Variants in TENM2 observed in about 807,000 individuals in gnomAD.
TENM2 encodes teneurin transmembrane protein 2.
Under a neutral mutation model 245.2 loss-of-function variants are expected in TENM2, and 52 were observed. The observed-to-expected ratio is 0.21, with a 90% confidence interval of 0.17 to 0.27. TENM2 has a LOEUF of 0.27. TENM2 is among the 10% of genes least tolerant of loss of function. TENM2 has a pLI of 1.00. For synonymous variants in TENM2, 1,363 were observed against 1,438.9 expected (o/e 0.95, Z 1.19); for missense variants, 3,046 against 3,666.8 (o/e 0.83, Z 4.37).
chr5:167,851,335 CTT>C (rs1225980081), intron 2 of TENM2, among the ~76,000 whole-genome samples: 1 of 152,008 alleles, frequency 6.6e-6, no homozygotes, highest in Admixed American at 6.5e-5. Context: ...TAGTCATTGA[CTT>C]TATAAAAAAT....
chr5:167,817,794 G>T (rs1323382362), intron 2 of TENM2, among the ~76,000 whole-genome samples: 2 of 152,192 alleles, frequency 1.3e-5, no homozygotes, highest in South Asian at 2.1e-4. Context: ...TCAGCCTTGT[G>T]GGGGAATGGT....
chr5:167,452,680 T>C (rs1261938744), intron 2 of TENM2, among the ~76,000 whole-genome samples: 3 of 151,582 alleles, frequency 2.0e-5, no homozygotes, highest in Admixed American at 6.6e-5. Context: ...TCAATCAGAT[T>C]CACTAATAAC....
chr5:166,999,865 G>T, the TENM2 span, among the ~76,000 whole-genome samples: 2 of 150,778 alleles, frequency 1.3e-5, no homozygotes, highest in South Asian at 4.1e-4. Context: ...AATTGCCCAG[G>T]GAACTTGAGA....
At chr5:167,218,430 A>G in the TENM2 span, among the ~76,000 whole-genome samples, 1 of 152,284 alleles carries the variant, frequency 6.6e-6, no homozygotes, top group East Asian at 1.9e-4. Context: ...GGTAGGCTCA[A>G]AAAGTTTTTG....
the TENM2 span, among the ~76,000 whole-genome samples, chr5:166,996,967 A>G: frequency 1.3e-5 from 2 of 152,182 alleles, no homozygotes; most frequent in African/African-American, 4.8e-5. Flanking sequence ...TTTGTTTTAT[A>G]TCAGTGAATT....
the TENM2 span, among the ~76,000 whole-genome samples, chr5:167,211,995 A>C: frequency 6.6e-6 from 1 of 152,170 alleles, no homozygotes. Context: ...TCTAAAGCCC[A>C]AGTCCTTGAC....
chr5:167,580,822 C>G (rs1775037843), intron 2 of TENM2, among the ~76,000 whole-genome samples: 4 of 152,178 alleles, frequency 2.6e-5, no homozygotes, highest in Admixed American at 2.6e-4. Flanking sequence ...AATCTCATCT[C>G]TACAACAAAT....
chr5:167,865,269 CT>C, intron 2 of TENM2, among the ~76,000 whole-genome samples: 1 of 152,132 alleles, frequency 6.6e-6, no homozygotes, highest in East Asian at 1.9e-4. Flanking sequence ...AATTGAATTT[CT>C]CTCTCTCTCT....
At chr5:167,046,670 T>C in the TENM2 span, among the ~76,000 whole-genome samples, 1 of 152,110 alleles carries the variant, frequency 6.6e-6, no homozygotes, top group East Asian at 1.9e-4. Context: ...CTCTTTTCTC[T>C]GTCCTTTCAT....
the TENM2 span, among the ~76,000 whole-genome samples, chr5:167,049,292 C>G: frequency 6.6e-6 from 1 of 152,162 alleles, no homozygotes; most frequent in African/African-American, 2.4e-5. Flanking sequence ...ACACACGAGT[C>G]ACGTGTATGT....
At chr5:168,090,796 C>T (rs1049649621) in intron 8 of TENM2, 27 bp downstream of exon 10, 6 of 1,579,274 alleles carry the variant, frequency 3.8e-6, no homozygotes, top group African/African-American at 1.4e-5. Context: ...TGAGATGGTA[C>T]GCCATGAAGG....
chr5:168,168,224 A>G (rs1758480005), intron 13 of TENM2, among the ~76,000 whole-genome samples: 1 of 152,162 alleles, frequency 6.6e-6, no homozygotes, highest in Non-Finnish European at 1.5e-5. Context: ...TCTGCAGATG[A>G]CATTTTGAGA....
intron 25 of TENM2, among the ~76,000 whole-genome samples, chr5:168,237,682 T>A (rs1388213321): frequency 5.3e-5 from 8 of 152,106 alleles, no homozygotes; most frequent in African/African-American, 1.9e-4. Flanking sequence ...ATACATTATT[T>A]AATGTGTTTG....
the TENM2 span, among the ~76,000 whole-genome samples, chr5:167,015,769 A>AT: frequency 3.3e-5 from 5 of 151,560 alleles, no homozygotes; most frequent in East Asian, 1.9e-4. Context: ...ATCAAGATAT[A>AT]TTTTTTTTTC....
chr5:168,124,337 C>T (rs531659508), intron 10 of TENM2, among the ~76,000 whole-genome samples: 5 of 152,342 alleles, frequency 3.3e-5, no homozygotes, highest in African/African-American at 7.2e-5. Flanking sequence ...GAAAGTGACT[C>T]ATAAGTTTCA....
At position 168,033,560 on chromosome 5, in the gene TENM2, C is replaced by G. The variant is rs572201459; in HGVS notation, c.1187-13867C>G. The stretch of plus-strand genomic sequence containing the variant: ...TTATTAGCCTGGCACACTCCCAGAC[C>G]TCAGTTAATTGTAGTTTTTTAGACA... On this transcript the variant is annotated intron_variant, in intron 5 of 28. Transcript: ENST00000518659. 1.2e-4 allele frequency among the ~76,000 whole-genome samples: 19 copies of G among 152,174 alleles called. No homozygotes were observed. The East Asian group carries it at 3.7e-3, about 29-fold the overall frequency.
chr5:167,916,198 T>C (rs1776922772), intron 3 of TENM2, among the ~76,000 whole-genome samples: 1 of 152,198 alleles, frequency 6.6e-6, no homozygotes. Flanking sequence ...TCACTATTTT[T>C]GTGAGTACGT....
In TENM2 at chr5:167,568,648, T is replaced by G. The variant is rs922162637; in HGVS notation, c.502+193175T>G. ...GTGCACAGACAGGCAGAGACCATGG[T>G]GTGTGTGTGTGTGTGTGTGTGTGTG... On this transcript the variant is annotated intron_variant, in intron 2 of 28. Transcript: ENST00000518659. Among the ~76,000 whole-genome samples, 7 of 126,368 alleles carry G rather than the reference T, an allele frequency of 5.5e-5. No individual in the cohort carries two copies. In the South Asian group the frequency reaches 1.2e-3, roughly 22 times the overall value. The allele number at this position is 126,368 out of a possible 152,430, so 82.9% of individuals were successfully genotyped here.
At chr5:167,610,439 C>A (rs1392410293) in intron 2 of TENM2, among the ~76,000 whole-genome samples, 1 of 152,108 alleles carries the variant, frequency 6.6e-6, no homozygotes, top group Admixed American at 6.6e-5. Context: ...TAATCATGAT[C>A]TTTCTGGTGA....
Sources: allele counts gnomAD v4.1 joint callset (sites outside exome capture counted in the v4.1 genomes callset), GRCh38; gene constraint gnomAD v4.1.1; transcripts MANE v1.5; gene names NCBI Gene and HGNC (gene_info 2026-07-23, HGNC 2026-07-21).